The following ACOT12 variants were observed in gnomAD, a reference collection of about 807,000 sequenced individuals.
ACOT12 encodes the protein acyl-CoA thioesterase 12, also known as acetyl-coenzyme A thioesterase.
ACOT12 carries 51 observed loss-of-function variants against 67.7 expected under a neutral mutation model. The ratio of observed to expected loss-of-function variants is 0.75; its 90% CI spans 0.60 to 0.95. The LOEUF is 0.95. Ranked by LOEUF, ACOT12 falls within the 40% of genes least tolerant of loss-of-function variation. ACOT12 has a pLI of 0.00. For missense variants in ACOT12, 734 were observed against 708.1 expected (o/e 1.04, Z -0.41); for synonymous variants, 251 against 244.6 (o/e 1.03, Z -0.24).
chr5:81,344,814 T>G (rs1759320255), intron 8 of ACOT12, 77 bp downstream of exon 8: 1 of 1,548,258 alleles, frequency 6.5e-7, no homozygotes, highest in East Asian at 2.3e-5. Flanking sequence ...AAGAGGTTGT[T>G]GCCGGTGGGA....
At chr5:81,375,599 C>T (rs746277397) in intron 2 of ACOT12, among the ~76,000 whole-genome samples, 10 of 151,648 alleles carry the variant, frequency 6.6e-5, no homozygotes, top group African/African-American at 9.7e-5. Context: ...ACCCATCTCC[C>T]GTGCAAAGAC....
At chr5:81,386,319 T>C (rs986117724) in intron 1 of ACOT12, among the ~76,000 whole-genome samples, 1 of 152,182 alleles carries the variant, frequency 6.6e-6, no homozygotes, top group African/African-American at 2.4e-5. Flanking sequence ...TCTCTGGGTA[T>C]CAGAGAAAGA....
chr5:81,337,323 C>G (rs894323324), intron 11 of ACOT12, among the ~76,000 whole-genome samples: 1 of 152,210 alleles, frequency 6.6e-6, no homozygotes, highest in Non-Finnish European at 1.5e-5. Context: ...TCTGGTGGAA[C>G]AAGATGGAGT....
intron 2 of ACOT12, among the ~76,000 whole-genome samples, chr5:81,385,363 A>T (rs1055266143): frequency 1.3e-5 from 2 of 152,168 alleles, no homozygotes; most frequent in Non-Finnish European, 2.9e-5. Context: ...GCTACTTGGG[A>T]GGCTGAGGCA....
intron 2 of ACOT12, among the ~76,000 whole-genome samples, chr5:81,383,868 A>G (rs762138142): frequency 6.6e-6 from 1 of 152,164 alleles, no homozygotes; most frequent in Non-Finnish European, 1.5e-5. Flanking sequence ...AAAAGAATCA[A>G]AAAGATTTTT....
At chr5:81,366,748 G>A (rs1760092748) in intron 3 of ACOT12, among the ~76,000 whole-genome samples, 1 of 151,992 alleles carries the variant, frequency 6.6e-6, no homozygotes, top group African/African-American at 2.4e-5. Flanking sequence ...TACAACATCT[G>A]AAATAAAAAA....
At chr5:81,346,780 T>C (rs941419985) in intron 6 of ACOT12, among the ~76,000 whole-genome samples, 2 of 151,842 alleles carry the variant, frequency 1.3e-5, no homozygotes, top group Non-Finnish European at 2.9e-5. Context: ...ACTACTGGTT[T>C]GTAACTATAG....
chr5:81,344,463 C>T (rs571071210), intron 8 of ACOT12, among the ~76,000 whole-genome samples: 3 of 152,270 alleles, frequency 2.0e-5, no homozygotes, highest in South Asian at 4.1e-4. Context: ...TATTAACATT[C>T]CTGTTACCAG....
intron 2 of ACOT12, among the ~76,000 whole-genome samples, chr5:81,378,130 A>G (rs1561349262): frequency 6.6e-6 from 1 of 152,222 alleles, no homozygotes; most frequent in Non-Finnish European, 1.5e-5. Context: ...ACTGGTACCA[A>G]AACAGATATA....
the ACOT12 span, among the ~76,000 whole-genome samples, chr5:81,323,864 ATGTATATATG>A: frequency 6.2e-5 from 9 of 146,274 alleles, no homozygotes; most frequent in Admixed American, 4.2e-4. Context: ...GTATATGCAT[ATGTATATATG>A]TGTATATATG....
chr5:81,344,835 G>A, intron 8 of ACOT12, 56 bp downstream of exon 8: 1 of 1,597,294 alleles, frequency 6.3e-7, no homozygotes, highest in Admixed American at 1.7e-5. Flanking sequence ...GGAGATTCTA[G>A]GTAGAGCTCT....
the ACOT12 span, chr5:81,312,845 G>C: frequency 2.3e-6 from 1 of 427,416 alleles, no homozygotes; most frequent in Non-Finnish European, 4.2e-6. Flanking sequence ...CCACTGTTTG[G>C]AGAAAATTGA....
At chr5:81,327,098 G>C (rs1249958534), downstream of ACOT12, among the ~76,000 whole-genome samples, 2 of 151,008 alleles carry the variant, frequency 1.3e-5, no homozygotes, top group Non-Finnish European at 2.9e-5. Flanking sequence ...AAATGTCCAA[G>C]CTTATTTCTG....
intron 4 of ACOT12, among the ~76,000 whole-genome samples, chr5:81,361,260 T>G (rs1759900466): frequency 6.6e-6 from 1 of 151,710 alleles, no homozygotes; most frequent in South Asian, 2.1e-4. Context: ...TTGCCCAGGC[T>G]GGAGCACAGT....
chr5:81,345,905 G>T lies in ACOT12; in HGVS notation c.753C>A (p.Val251=). The change falls in exon 7 of 15, where the codon GTC becomes GTA. Residue 251 remains valine, a synonymous_variant. Coordinates refer to ENST00000307624, the MANE Select transcript of ACOT12 (RefSeq NM_130767.3). ...VGDRLVFTAI[V]NNTFQTCVEV... is the part of the protein sequence containing the mutation. ...TTTACCAGGTCTGAAATGTATTGTT[G>T]ACAATGGCAGTGAAGACAAGACGAT... The T allele has an allele frequency of 6.2e-7, 1 of 1,613,824 alleles. No individual in the cohort carries two copies. Among genetic ancestry groups the T allele is most frequent in the South Asian group, 1.1e-5 (1 of 91,030 alleles).
At chr5:81,344,240 C>A in intron 8 of ACOT12, 25 bp from the exon 9 acceptor site, 1 of 1,601,268 alleles carries the variant, frequency 6.2e-7, no homozygotes, top group South Asian at 1.1e-5. Flanking sequence ...AAAGTAAAAT[C>A]AATAAAATAA....
intron 5 of ACOT12, among the ~76,000 whole-genome samples, chr5:81,359,168 T>C (rs1189196991): frequency 6.6e-6 from 1 of 152,188 alleles, no homozygotes; most frequent in Non-Finnish European, 1.5e-5. Context: ...TCTGCCCTCT[T>C]GGCAGTGGTG....
chr5:81,309,205 A>G, the ACOT12 span: 1 of 486,954 alleles, frequency 2.1e-6, no homozygotes. Context: ...TTTTTGTGCA[A>G]TTTGACTTCA....
chr5:81,363,115 T>C (rs1759968855), intron 4 of ACOT12, among the ~76,000 whole-genome samples: 1 of 152,014 alleles, frequency 6.6e-6, no homozygotes, highest in African/African-American at 2.4e-5. Context: ...CCAGATTGAA[T>C]TATCACAGTG....
Sources: gnomAD v4.1 joint callset for allele counts (sites outside exome capture counted in the v4.1 genomes callset) on GRCh38, gnomAD v4.1.1 for gene constraint, MANE v1.5 for transcripts, NCBI Gene and HGNC (gene_info 2026-07-23, HGNC 2026-07-21) for gene names.